The following SLIT3 variants were observed in gnomAD, a reference collection of about 807,000 sequenced individuals.
The protein encoded by SLIT3 is slit homolog 3 protein.
In SLIT3, 68 loss-of-function variants were observed where a neutral mutation model predicts 184.0. The observed-to-expected ratio is 0.37, with a 90% CI of 0.30 to 0.45. SLIT3 has a LOEUF of 0.45. Among genes scored for constraint, SLIT3 ranks in the 20% least tolerant of loss-of-function variants. The probability of loss-of-function intolerance (pLI) is 1.00; values close to 1 mark genes in which losing one functional copy is unlikely to be tolerated. For synonymous variants in SLIT3, 831 were observed against 828.6 expected, an observed-to-expected ratio of 1.00 and a Z score of -0.05; for missense variants, 1,707 against 2,026.0, an observed-to-expected ratio of 0.84 and a Z score of 3.02.
intron 4 of SLIT3, among the ~76,000 whole-genome samples, chr5:168,973,212 C>T (rs909838250): frequency 2.0e-5 from 3 of 152,060 alleles, no homozygotes; most frequent in African/African-American, 7.3e-5. Context: ...CTAGAAATAA[C>T]TTTTTTTCCC....
At chr5:168,923,929 A>C (rs1407260724) in intron 4 of SLIT3, among the ~76,000 whole-genome samples, 1 of 152,274 alleles carries the variant, frequency 6.6e-6, no homozygotes, top group Non-Finnish European at 1.5e-5. Flanking sequence ...GAACACAGCC[A>C]CGCTCAATCA....
chr5:169,115,050 C>T (rs1760603819), intron 4 of SLIT3, among the ~76,000 whole-genome samples: 1 of 152,182 alleles, frequency 6.6e-6, no homozygotes. Context: ...CTCTGTGTCC[C>T]TGGAGAAGTT....
intron 32 of SLIT3, among the ~76,000 whole-genome samples, chr5:168,674,213 G>A (rs1335320061): frequency 6.6e-6 from 1 of 152,130 alleles, no homozygotes; most frequent in Non-Finnish European, 1.5e-5. Context: ...CTCCACTACA[G>A]AAATGAGGAA....
At chr5:168,874,311 C>T (rs1423215245) in intron 5 of SLIT3, among the ~76,000 whole-genome samples, 1 of 152,136 alleles carries the variant, frequency 6.6e-6, no homozygotes, top group Non-Finnish European at 1.5e-5. Flanking sequence ...TTCTTCTTTG[C>T]TAGGATATCA....
chr5:168,712,385 G>A, intron 23 of SLIT3, 31 bp from the exon 24 acceptor site: 6 of 1,599,504 alleles, frequency 3.8e-6, no homozygotes, highest in Non-Finnish European at 5.1e-6. Context: ...CGGAAGGTTA[G>A]CATCCACTAA....
At chr5:169,263,201 G>T (rs1384520253) in intron 1 of SLIT3, among the ~76,000 whole-genome samples, 2 of 152,242 alleles carry the variant, frequency 1.3e-5, no homozygotes, top group South Asian at 2.1e-4. Flanking sequence ...AACCAGCCAG[G>T]CATGGTGGTA....
At chr5:169,067,612 T>G (rs937967890) in intron 4 of SLIT3, among the ~76,000 whole-genome samples, 2 of 152,190 alleles carry the variant, frequency 1.3e-5, no homozygotes, top group African/African-American at 2.4e-5. Context: ...AACCTCCTGC[T>G]ACTTGGGCAT....
intron 32 of SLIT3, among the ~76,000 whole-genome samples, chr5:168,676,334 T>C (rs1453907734): frequency 6.6e-6 from 1 of 152,208 alleles, no homozygotes; most frequent in Admixed American, 6.5e-5. Context: ...TAGCCTTTCC[T>C]ATAAAGTAAA....
chr5:168,831,482 T>C (rs1315277526), intron 6 of SLIT3, among the ~76,000 whole-genome samples: 1 of 152,212 alleles, frequency 6.6e-6, no homozygotes, highest in African/African-American at 2.4e-5. Flanking sequence ...AAACAACTGA[T>C]GCTGCACTGA....
intron 6 of SLIT3, among the ~76,000 whole-genome samples, chr5:168,837,309 C>T (rs1363379303): frequency 6.6e-6 from 1 of 152,034 alleles, no homozygotes; most frequent in African/African-American, 2.4e-5. Flanking sequence ...GACTAAACAC[C>T]CTGATAAAAT....
intron 1 of SLIT3, among the ~76,000 whole-genome samples, chr5:169,283,619 C>T (rs751348): frequency 0.33 from 49,847 of 151,946 alleles, 8,373 homozygotes; most frequent in Non-Finnish European, 0.37. Context: ...AGCCAGAAAA[C>T]AATGCATGTC....
intron 1 of SLIT3, among the ~76,000 whole-genome samples, chr5:169,264,225 G>A (rs1036062187): frequency 7.2e-5 from 11 of 152,042 alleles, no homozygotes; most frequent in African/African-American, 1.9e-4. Context: ...ACAGAGTCTC[G>A]CTCTGTCTCC....
chr5:169,175,287 GA>G (rs1434250679), intron 4 of SLIT3, among the ~76,000 whole-genome samples: 1 of 152,194 alleles, frequency 6.6e-6, no homozygotes, highest in Non-Finnish European at 1.5e-5. Flanking sequence ...CTGAGGCTTA[GA>G]AAAACAAAAT....
chr5:168,861,112 T>C (rs1759085437), intron 5 of SLIT3, among the ~76,000 whole-genome samples: 1 of 152,172 alleles, frequency 6.6e-6, no homozygotes, highest in South Asian at 2.1e-4. Context: ...TATTTCTTAT[T>C]TTTTATTATT....
chr5:169,277,443 G>T (rs1031908708), intron 1 of SLIT3, among the ~76,000 whole-genome samples: 1 of 152,064 alleles, frequency 6.6e-6, no homozygotes, highest in African/African-American at 2.4e-5. Flanking sequence ...GTCCCATGTT[G>T]CCCAGGCTGG....
intron 6 of SLIT3, among the ~76,000 whole-genome samples, chr5:168,842,469 G>T (rs944933962): frequency 1.5e-3 from 133 of 87,938 alleles, no homozygotes; most frequent in African/African-American, 3.1e-3. Flanking sequence ...CCGTTTTTTC[G>T]TTTTTTTTTT....
At chr5:169,012,591 T>C (rs529915075) in intron 4 of SLIT3, 1 of 152,376 alleles carries the variant, frequency 6.6e-6, no homozygotes, top group South Asian at 2.1e-4. Context: ...GAAATCATTC[T>C]CCACGCTGTC....
chr5:168,970,355 C>T (rs1483225542), intron 4 of SLIT3, among the ~76,000 whole-genome samples: 1 of 147,970 alleles, frequency 6.8e-6, no homozygotes, highest in African/African-American at 2.5e-5. Context: ...AATAGCCAAG[C>T]GTGGTGGCAC....
intron 4 of SLIT3, among the ~76,000 whole-genome samples, chr5:168,932,186 C>T (rs1051885878): frequency 4.0e-5 from 6 of 151,352 alleles, no homozygotes; most frequent in Admixed American, 2.0e-4. Flanking sequence ...CCTGTTTGGA[C>T]GATTTCTCCT....
Sources: gnomAD v4.1 joint callset for allele counts (sites outside exome capture counted in the v4.1 genomes callset) on GRCh38, gnomAD v4.1.1 for gene constraint, MANE v1.5 for transcripts, NCBI Gene and HGNC (gene_info 2026-07-23, HGNC 2026-07-21) for gene names.